CHFR: variants seen among roughly 807,000 people sequenced by gnomAD.
CHFR encodes the protein E3 ubiquitin-protein ligase CHFR.
Under a neutral mutation model 87.6 loss-of-function variants are expected in CHFR, and 57 were observed. The observed-to-expected ratio is 0.65, with a 90% confidence interval of 0.53 to 0.81. The LOEUF is 0.81. Among genes scored for constraint, CHFR ranks in the 30% least tolerant of loss-of-function variants. The pLI, the probability that CHFR is intolerant of heterozygous loss-of-function variation, is 0.00. For missense variants in CHFR, 797 were observed against 865.8 expected, an observed-to-expected ratio of 0.92 and a Z score of 1.00; for synonymous variants, 381 against 359.2, an observed-to-expected ratio of 1.06 and a Z score of -0.69.
intron 2 of CHFR, among the ~76,000 whole-genome samples, chr12:132,881,352 A>G (rs1466133060): frequency 2.0e-5 from 3 of 152,246 alleles, no homozygotes; most frequent in African/African-American, 4.8e-5. Context: ...TGTAAAACAC[A>G]TATCTGACAA....
At position 132,869,817 on chromosome 12, in the gene CHFR, C is replaced by G; in HGVS notation, c.404-19G>C. 6.4e-7 allele frequency: 1 copy of G among 1,551,198 alleles called. No homozygotes were observed. ...GAGGTATCTTTGGTCCCATGGAACA[C>G]ATTTTCCTTGTTAGCTTCTGTAACC... On this transcript the variant is annotated intron_variant, in intron 5 of 17. Transcript: ENST00000450056.
chr12:132,869,870 A>G lies in CHFR; in HGVS notation c.404-72T>C, dbSNP rs1161769176. 2.0e-6 allele frequency: 3 copies of G among 1,512,060 alleles called. No individual in the cohort carries two copies. The East Asian group carries it at 7.4e-5, about 37-fold the overall frequency. The allele number at this position is 1,512,060 out of a possible 1,614,324, so 93.7% of individuals were successfully genotyped here. On this transcript the variant is annotated intron_variant, in intron 5 of 17. Transcript: ENST00000450056. ...AAAGGAGCAGAAGCAGCACACAACC[A>G]GGGCTCAAGCAGACACTCTAGGGAT...
intron 13 of CHFR, 102 bp from the exon 14 acceptor site, chr12:132,848,257 T>C (rs1226082241): frequency 4.5e-6 from 7 of 1,569,256 alleles, no homozygotes; most frequent in Non-Finnish European, 6.1e-6. Flanking sequence ...CATTACAGAT[T>C]CTAGAAAGAA....
At chr12:132,850,384 T>A (rs1204072936) in intron 12 of CHFR, among the ~76,000 whole-genome samples, 1 of 151,392 alleles carries the variant, frequency 6.6e-6, no homozygotes, top group Non-Finnish European at 1.5e-5. Context: ...GAAATTAGAG[T>A]GAAGAGTTTG....
chr12:132,871,713 G>A (rs919446274), intron 4 of CHFR, among the ~76,000 whole-genome samples: 4 of 151,906 alleles, frequency 2.6e-5, no homozygotes, highest in East Asian at 1.9e-4. Context: ...TGGAGATTGC[G>A]GTGAGCTGAG....
intron 12 of CHFR, among the ~76,000 whole-genome samples, chr12:132,850,471 T>C (rs962818102): frequency 6.6e-6 from 1 of 152,194 alleles, no homozygotes; most frequent in African/African-American, 2.4e-5. Flanking sequence ...AGCTGTTCTC[T>C]GTGGCTTCTC....
Position 132,846,908 on chromosome 12 carries a change from C to T in CHFR, c.1735+135G>A, listed in dbSNP as rs570946321. ...AAAACAAACAAACAAACAAAAACAACCTGAAAGCATCAGGATCTTTTTCCT... is the reference window on the plus strand; with the variant it reads ...AAAACAAACAAACAAACAAAAACAATCTGAAAGCATCAGGATCTTTTTCCT... On this transcript the variant is annotated intron_variant, in intron 15 of 17. Coordinates refer to ENST00000450056, the MANE Select transcript of CHFR (RefSeq NM_001161346.2). The T allele has an allele frequency of 4.9e-5, 34 of 690,556 alleles. 1 individual carries two copies. The South Asian group carries it at 5.6e-4, about 11-fold the overall frequency. 42.8% of individuals were successfully genotyped at this position (690,556 alleles called of 1,614,324 possible).
intron 10 of CHFR, among the ~76,000 whole-genome samples, chr12:132,855,841 A>G (rs1002130667): frequency 2.0e-5 from 3 of 146,956 alleles, no homozygotes; most frequent in Non-Finnish European, 4.7e-5. Context: ...AATAAAGATA[A>G]AAGTTTCAAG....
chr12:132,886,078 G>A (rs1021380551), intron 2 of CHFR, among the ~76,000 whole-genome samples: 45 of 152,290 alleles, frequency 3.0e-4, no homozygotes, highest in African/African-American at 1.0e-3. Flanking sequence ...TTCGGAGGCC[G>A]AAGCAGGTGA....
intron 2 of CHFR, among the ~76,000 whole-genome samples, chr12:132,884,499 C>T (rs1951843147): frequency 6.6e-6 from 1 of 151,900 alleles, no homozygotes; most frequent in Non-Finnish European, 1.5e-5. Context: ...ATGTTTGTAA[C>T]TGAGTGTCTG....
Position 132,870,614 on chromosome 12 carries a change from C to T in CHFR, c.403+110G>A, listed in dbSNP as rs1441765837. 45 of 668,974 alleles carry T rather than the reference C, an allele frequency of 6.7e-5. 1 individual carries two copies. Among genetic ancestry groups the T allele is most frequent in the South Asian group, 5.5e-4 (27 of 49,302 alleles). 41.4% of individuals were successfully genotyped at this position (668,974 alleles called of 1,614,324 possible). ...GGCGGAGGCTGCAGTGAGCTGAGAT[C>T]GCGCCACCGCACTCCAGCCTGGGTA... On this transcript the variant is annotated intron_variant, in intron 5 of 17. Coordinates refer to ENST00000450056, the MANE Select transcript of CHFR (RefSeq NM_001161346.2).
chr12:132,847,434 C>CAACG, intron 14 of CHFR: 1 of 1,165,214 alleles, frequency 8.6e-7, no homozygotes, highest in East Asian at 5.4e-5. Context: ...ACAGTGCACA[C>CAACG]AGCCCAGCAA....
chr12:132,859,134 T>A lies in CHFR; in HGVS notation c.845A>T (p.Lys282Met). The A allele has an allele frequency of 6.2e-7, 1 of 1,614,132 alleles. No individual in the cohort carries two copies. Among genetic ancestry groups the A allele is most frequent in the South Asian group, 1.1e-5 (1 of 91,068 alleles). The change falls in exon 8 of 18, where the codon AAG becomes ATG. Residue 282 changes from lysine to methionine, a missense_variant. Coordinates refer to ENST00000450056, the MANE Select transcript of CHFR (RefSeq NM_001161346.2). ...VHEDVRAAAG[K>M]PDKMEETLTC... Reference sequence around the variant, plus strand: ...CAGCGTCTCCTCCATCTTGTCTGGCTTCCCAGCCGCTGCTCTGACGTCCTC... The same window carrying A: ...CAGCGTCTCCTCCATCTTGTCTGGCATCCCAGCCGCTGCTCTGACGTCCTC...
intron 16 of CHFR, 75 bp from the exon 17 acceptor site, chr12:132,843,158 G>T: frequency 1.5e-6 from 2 of 1,348,238 alleles, no homozygotes; most frequent in Non-Finnish European, 2.1e-6. Flanking sequence ...TCCCAGCAGA[G>T]ACCCAACGAC....
chr12:132,876,487 A>G (rs1051349956), intron 3 of CHFR, among the ~76,000 whole-genome samples: 1 of 152,230 alleles, frequency 6.6e-6, no homozygotes, highest in Non-Finnish European at 1.5e-5. Flanking sequence ...TCCAAAATCT[A>G]AACAGTCTAG....
intron 12 of CHFR, among the ~76,000 whole-genome samples, chr12:132,850,233 GT>G (rs141728111): frequency 1.6e-3 from 240 of 152,078 alleles, no homozygotes; most frequent in African/African-American, 5.6e-3. Context: ...ATTTTTAATT[GT>G]CTGATATTCT....
chr12:132,837,094 C>G lies in CHFR; in HGVS notation c.*4460G>C, dbSNP rs59220783. ...CTGAGGGGCTGTTTGTGAGAATTAG[C>G]TGGTTCGGTGGAGAAGCAGAGGAAC... On this transcript the variant is annotated 3_prime_UTR_variant, in exon 18 of 18. Transcript: ENST00000450056. The G allele has an allele frequency of 0.16, 52,594 of 319,524 alleles. 5,051 individuals are homozygous for G. The highest frequency in any genetic ancestry group is 0.22 in the Admixed American group (4,805 of 21,832). The allele number at this position is 319,524 out of a possible 1,614,324, so 19.8% of individuals were successfully genotyped here.
intron 2 of CHFR, among the ~76,000 whole-genome samples, chr12:132,884,509 G>A (rs1193558775): frequency 1.3e-5 from 2 of 152,012 alleles, no homozygotes; most frequent in South Asian, 4.1e-4. Flanking sequence ...CTGAGTGTCT[G>A]TACCCCCCTA....
At chr12:132,877,777 A>C (rs1951663273) in intron 2 of CHFR, 123 bp from the exon 3 acceptor site, 1 of 503,982 alleles carries the variant, frequency 2.0e-6, no homozygotes, top group East Asian at 3.5e-5. Flanking sequence ...GTAAAAAAAA[A>C]CACTTGACCA....
Sources: allele counts gnomAD v4.1 joint callset (sites outside exome capture counted in the v4.1 genomes callset), GRCh38; gene constraint gnomAD v4.1.1; transcripts MANE v1.5; gene names NCBI Gene and HGNC (gene_info 2026-07-23, HGNC 2026-07-21).